The following WNT3 variants were observed in gnomAD, a reference collection of about 807,000 sequenced individuals.
WNT3 encodes the protein proto-oncogene Wnt-3.
WNT3 carries 7 observed loss-of-function variants against 34.2 expected under a neutral mutation model. The observed-to-expected ratio is 0.20, with a 90% CI of 0.12 to 0.38. WNT3 has a LOEUF of 0.38. WNT3 is among the 10% of genes least tolerant of loss of function. WNT3 has a pLI of 1.00. For synonymous variants in WNT3, 212 were observed against 211.5 expected (o/e 1.00, Z -0.02); for missense variants, 267 against 499.8 (o/e 0.53, Z 4.44).
rs533354565 is a variant in WNT3, at chr17:46,773,645, C to A, written c.322+23G>T. The A allele has an allele frequency of 2.6e-5, 37 of 1,399,540 alleles. No individual in the cohort carries two copies. The Admixed American group carries it at 4.3e-4, about 16-fold the overall frequency. The allele number at this position is 1,399,540 out of a possible 1,614,324, so 86.7% of individuals were successfully genotyped here. On this transcript the variant is annotated intron_variant, in intron 2 of 4. Transcript: ENST00000225512. ...CCCTCCCCCCACCCAGCCCCTCCCCCCCCCTCAGCCCCAAGGCAGTACCTT... is the reference window on the plus strand; with the variant it reads ...CCCTCCCCCCACCCAGCCCCTCCCCACCCCTCAGCCCCAAGGCAGTACCTT...
intron 2 of WNT3, among the ~76,000 whole-genome samples, chr17:46,770,339 A>ATCTCTGCCGAC (rs1479767539): frequency 5.3e-5 from 8 of 152,148 alleles, no homozygotes; most frequent in Non-Finnish European, 1.2e-4. Context: ...GCCGACACCA[A>ATCTCTGCCGAC]ACCTCTGGCA....
At chr17:46,765,216 G>A (rs541019250) in intron 4 of WNT3, among the ~76,000 whole-genome samples, 4 of 152,320 alleles carry the variant, frequency 2.6e-5, no homozygotes, top group African/African-American at 9.6e-5. Flanking sequence ...ACTTTACAGA[G>A]GCAGAAACAG....
chr17:46,771,840 T>C (rs2059375387), intron 2 of WNT3, among the ~76,000 whole-genome samples: 2 of 140,832 alleles, frequency 1.4e-5, no homozygotes, highest in Admixed American at 1.4e-4. Flanking sequence ...GGGGGGGCGG[T>C]GCTCGGGCGC....
At chr17:46,780,448 C>T (rs2059450651) in intron 1 of WNT3, among the ~76,000 whole-genome samples, 1 of 152,236 alleles carries the variant, frequency 6.6e-6, no homozygotes, top group African/African-American at 2.4e-5. Context: ...TAGAATCACC[C>T]TATAATCCAG....
At chr17:46,781,373 A>G (rs1281208360) in intron 1 of WNT3, among the ~76,000 whole-genome samples, 1 of 152,170 alleles carries the variant, frequency 6.6e-6, no homozygotes, top group African/African-American at 2.4e-5. Flanking sequence ...GTTCTAGGTA[A>G]AGACACGCCA....
At chr17:46,782,910 G>A (rs2059473887) in intron 1 of WNT3, among the ~76,000 whole-genome samples, 1 of 152,226 alleles carries the variant, frequency 6.6e-6, no homozygotes, top group African/African-American at 2.4e-5. Context: ...TTTCAGTGCA[G>A]GGCCAAGGGT....
intron 1 of WNT3, among the ~76,000 whole-genome samples, chr17:46,781,344 A>G (rs182992163): frequency 1.8e-4 from 27 of 152,158 alleles, no homozygotes; most frequent in African/African-American, 6.0e-4. Context: ...CAAATACTGT[A>G]TGATTTCACT....
intron 1 of WNT3, among the ~76,000 whole-genome samples, chr17:46,817,189 G>A (rs947592258): frequency 6.6e-5 from 10 of 152,158 alleles, no homozygotes; most frequent in South Asian, 2.1e-4. Context: ...TGGAAGACTC[G>A]GGGTGTGGCC....
At chr17:46,781,761 TC>T (rs2059463254) in intron 1 of WNT3, among the ~76,000 whole-genome samples, 1 of 152,186 alleles carries the variant, frequency 6.6e-6, no homozygotes, top group Non-Finnish European at 1.5e-5. Context: ...GGTGCTTGCA[TC>T]CCCAGCCTTC....
At position 46,769,929 on chromosome 17, in the gene WNT3, G is replaced by C; in HGVS notation, c.442C>G (p.Pro148Ala). The C allele has an allele frequency of 6.2e-7, 1 of 1,613,434 alleles. No homozygotes were observed. The highest frequency in any genetic ancestry group is 8.5e-7 in the Non-Finnish European group (1 of 1,179,880). Reference sequence around the variant, plus strand: ...CCCCACTTCCAGCCTTCGCCAGGCGGCCCCTTATGATGCGAGTCACAGCCG... The same window carrying C: ...CCCCACTTCCAGCCTTCGCCAGGCGCCCCCTTATGATGCGAGTCACAGCCG... ...ICGCDSHHKG[P>A]PGEGWKWGGC... The change falls in exon 3 of 5, where the codon CCG becomes GCG. Residue 148 changes from proline (P) to alanine (A), a missense_variant. By Grantham distance (27) the Pro-to-Ala change is conservative. This residue lies in a region of WNT3 where 181 missense variants were observed against 391.3 expected (regional missense o/e 0.46). Transcript: ENST00000225512.
chr17:46,802,881 C>T (rs1216775625), intron 1 of WNT3, among the ~76,000 whole-genome samples: 2 of 152,050 alleles, frequency 1.3e-5, no homozygotes, highest in Non-Finnish European at 2.9e-5. Flanking sequence ...AACGTGTGTT[C>T]CTGTGTTCTG....
intron 2 of WNT3, among the ~76,000 whole-genome samples, chr17:46,771,734 T>C (rs1435176852): frequency 4.6e-5 from 6 of 129,990 alleles, no homozygotes; most frequent in Non-Finnish European, 6.7e-5. Context: ...GGCCGCGAAA[T>C]CCCCATTGAA....
At chr17:46,812,234 C>T (rs1257325026) in intron 1 of WNT3, among the ~76,000 whole-genome samples, 1 of 152,166 alleles carries the variant, frequency 6.6e-6, no homozygotes, top group African/African-American at 2.4e-5. Flanking sequence ...AAAGAAGGAC[C>T]CTGCTTAGAG....
At chr17:46,785,765 C>T (rs568204399) in intron 1 of WNT3, among the ~76,000 whole-genome samples, 1 of 152,262 alleles carries the variant, frequency 6.6e-6, no homozygotes, top group Non-Finnish European at 1.5e-5. Flanking sequence ...ACAGACTATA[C>T]CTCAGTCAGA....
chr17:46,808,026 T>C (rs1231557452), intron 1 of WNT3, among the ~76,000 whole-genome samples: 3 of 152,204 alleles, frequency 2.0e-5, no homozygotes, highest in African/African-American at 7.2e-5. Context: ...CCCAGCTGCT[T>C]TCTAGCACGT....
chr17:46,762,982 G>A lies in WNT3; in HGVS notation c.*1648C>T, dbSNP rs1455216295. The stretch of plus-strand genomic sequence containing the variant: ...CATGATTTAAAACTTTTCAGTCTAA[G>A]GTGAGATGGGGAGGGGCATTTCAGA... On this transcript the variant is annotated 3_prime_UTR_variant, in exon 5 of 5. Coordinates refer to ENST00000225512, the MANE Select transcript of WNT3 (RefSeq NM_030753.5). The A allele has an allele frequency of 6.6e-5, 10 of 152,206 alleles. No homozygotes were observed. The highest frequency in any genetic ancestry group is 6.5e-4 in the Admixed American group (10 of 15,268). The allele number at this position is 152,206 out of a possible 1,614,324, so 9.4% of individuals were successfully genotyped here.
intron 1 of WNT3, among the ~76,000 whole-genome samples, chr17:46,803,652 C>A (rs2084155353): frequency 6.6e-6 from 1 of 152,268 alleles, no homozygotes; most frequent in Non-Finnish European, 1.5e-5. Flanking sequence ...CATGGGAGAT[C>A]TAGCCCCAGG....
intron 4 of WNT3, among the ~76,000 whole-genome samples, chr17:46,767,779 T>TTTTG (rs200353370): frequency 0.036 from 5,476 of 152,142 alleles, 189 homozygotes; most frequent in African/African-American, 0.085. Flanking sequence ...TTTTGTTTTT[T>TTTTG]TTTGTTTGTT....
At chr17:46,779,120 C>A (rs988846661) in intron 1 of WNT3, among the ~76,000 whole-genome samples, 3 of 148,590 alleles carry the variant, frequency 2.0e-5, no homozygotes, top group African/African-American at 7.5e-5. Context: ...CCCACTCGGC[C>A]TTCCAAAGGG....
Sources: allele counts gnomAD v4.1 joint callset (sites outside exome capture counted in the v4.1 genomes callset), GRCh38; gene constraint gnomAD v4.1.1; regional missense constraint gnomAD v4.1.1; transcripts MANE v1.5; gene names NCBI Gene and HGNC (gene_info 2026-07-23, HGNC 2026-07-21).